Variants in INO80 observed in about 807,000 individuals in gnomAD.
INO80 encodes the protein chromatin-remodeling ATPase INO80.
In INO80, 20 loss-of-function variants were observed where a neutral mutation model predicts 203.4. That is an observed-to-expected ratio of 0.10 (90% confidence interval 0.07 to 0.14). INO80 has a LOEUF of 0.14. Among genes scored for constraint, INO80 ranks in the 10% least tolerant of loss-of-function variants. The pLI is 1.00. For missense variants in INO80, 1,419 were observed against 1,914.4 expected (o/e 0.74, Z 4.83); for synonymous variants, 726 against 685.2 (o/e 1.06, Z -0.93).
At chr15:41,101,491 T>C (rs1018634056) in intron 1 of INO80, among the ~76,000 whole-genome samples, 3 of 152,172 alleles carry the variant, frequency 2.0e-5, no homozygotes, top group African/African-American at 4.8e-5. Flanking sequence ...CTTAGCTCAA[T>C]AGTTTCCTCT....
intron 24 of INO80, among the ~76,000 whole-genome samples, chr15:41,033,337 A>ATTT (rs552646852): frequency 8.6e-5 from 12 of 138,978 alleles, no homozygotes; most frequent in Admixed American, 1.4e-4. Flanking sequence ...CTGAATCAGA[A>ATTT]TTTTTTTTTT....
intron 4 of INO80, among the ~76,000 whole-genome samples, chr15:41,095,175 C>T (rs549331691): frequency 4.7e-4 from 71 of 152,244 alleles, no homozygotes; most frequent in African/African-American, 1.7e-3. Flanking sequence ...CCCATTTCTA[C>T]TAAAAATACA....
intron 1 of INO80, among the ~76,000 whole-genome samples, chr15:41,111,142 T>C (rs777326102): frequency 1.9e-4 from 29 of 152,182 alleles, no homozygotes; most frequent in South Asian, 6.2e-4. Flanking sequence ...TAAAGAATAG[T>C]TAACGCTTAA....
At position 41,016,106 on chromosome 15, in the gene INO80, C is replaced by T. The variant is rs537680756; in HGVS notation, c.3384G>A (p.Arg1128=). ...CTCCTACCTCCAGTAGGTCTATCATCCTGGTCATCTGGGAGTAGATAAGGA... is the reference window on the plus strand; with the variant it reads ...CTCCTACCTCCAGTAGGTCTATCATTCTGGTCATCTGGGAGTAGATAAGGA... ...HRVLIYSQMT[R]MIDLLEEYMV... Residue 1128 remains arginine, a synonymous_variant, in exon 27 of 36, where the codon AGG becomes AGA. Coordinates refer to ENST00000648947, the MANE Select transcript of INO80 (RefSeq NM_017553.3). 1.4e-5 allele frequency: 22 copies of T among 1,613,508 alleles called. No individual in the cohort carries two copies. The South Asian group carries it at 1.9e-4, about 14-fold the overall frequency.
rs138616350 is a variant in INO80, at chr15:41,068,663, G to A, written c.1782+907C>T. 8.0e-3 allele frequency among the ~76,000 whole-genome samples: 1,213 copies of A among 151,956 alleles called. 20 individuals are homozygous for A. Among genetic ancestry groups the A allele is most frequent in the African/African-American group, 0.026 (1,090 of 41,424 alleles). The stretch of plus-strand genomic sequence containing the variant: ...ACCTGAGGTCAAGAGTTTGAGACCA[G>A]CCTGGACAACATGGTGAAACCCTCT... On this transcript the variant is annotated intron_variant, in intron 14 of 35. Transcript: ENST00000648947.
chr15:41,112,279 G>C (rs888932792), intron 1 of INO80, among the ~76,000 whole-genome samples: 2 of 152,062 alleles, frequency 1.3e-5, no homozygotes, highest in Non-Finnish European at 2.9e-5. Flanking sequence ...GTCATTTACT[G>C]GCTATATGAT....
At position 40,984,273 on chromosome 15, in the gene INO80, T is replaced by C. The variant is rs1485162944; in HGVS notation, c.4001A>G (p.Asp1334Gly). 2 of 1,614,178 alleles carry C rather than the reference T, an allele frequency of 1.2e-6. No individual in the cohort carries two copies. Among genetic ancestry groups the C allele is most frequent in the Non-Finnish European group, 1.7e-6 (2 of 1,180,008 alleles). The change falls in exon 33 of 36, where the codon GAT becomes GGT. Residue 1334 changes from aspartate to glycine, a missense_variant. Asp to Gly is a moderately conservative substitution (Grantham distance 94, BLOSUM62 -1). Around this residue, in one of 9 missense-constraint regions of INO80, gnomAD observed 214 missense variants for 248.9 expected, o/e 0.86. Transcript: ENST00000648947. ...NLVIPFVPSA[D>G]NSNLSADGDD... Reference sequence around the variant, plus strand: ...TCCGTCAGCAGAGAGGTTGGAGTTATCAGCCGAGGGAACAAATGGGATCAC... The same window carrying C: ...TCCGTCAGCAGAGAGGTTGGAGTTACCAGCCGAGGGAACAAATGGGATCAC...
chr15:41,114,561 T>A (rs1450564085), intron 1 of INO80, among the ~76,000 whole-genome samples: 3 of 151,960 alleles, frequency 2.0e-5, no homozygotes, highest in Admixed American at 2.0e-4. Context: ...ATACAAAAAT[T>A]AGCCGGGTGT....
Position 41,012,082 on chromosome 15 carries a change from C to T in INO80, c.3402+4006G>A, listed in dbSNP as rs549346564. Among the ~76,000 whole-genome samples the T allele has an allele frequency of 7.2e-5, 11 of 152,246 alleles. No individual in the cohort carries two copies. In the South Asian group the frequency reaches 2.3e-3, roughly 32 times the overall value. Reference sequence around the variant, plus strand: ...GTTGCTAGATGCAATAGGAATGAAACTCAAAAGAGAAGACTCAGAGATAAG... The same window carrying T: ...GTTGCTAGATGCAATAGGAATGAAATTCAAAAGAGAAGACTCAGAGATAAG... On this transcript the variant is annotated intron_variant, in intron 27 of 35. Coordinates refer to ENST00000648947, the MANE Select transcript of INO80 (RefSeq NM_017553.3).
intron 24 of INO80, 59 bp from the exon 25 acceptor site, chr15:41,027,795 G>T: frequency 3.4e-5 from 44 of 1,286,356 alleles, no homozygotes; most frequent in East Asian, 1.3e-4. Flanking sequence ...TAAGCAAAAT[G>T]AAAAAAAAAG....
At chr15:41,114,847 A>G (rs1200198824) in intron 1 of INO80, among the ~76,000 whole-genome samples, 1 of 152,198 alleles carries the variant, frequency 6.6e-6, no homozygotes, top group Non-Finnish European at 1.5e-5. Context: ...GGCAAAAAAT[A>G]TATTAATAGT....
At position 40,985,353 on chromosome 15, in the gene INO80, T is replaced by A. The variant is rs61757083; in HGVS notation, c.3906A>T (p.Glu1302Asp). ...NRVKERKRKREKYAEKKKKED... is the reference protein window; with the variant it reads ...NRVKERKRKRDKYAEKKKKED... ...CTGGAAATACCTTCTCTGCATACTT[T>A]TCCCGCTTCCGCTTGCGCTCTTTCA... The change falls in exon 32 of 36, where the codon GAA becomes GAT. Residue 1302 changes from glutamate (E) to aspartate (D), a missense_variant. Physicochemically the swap from Glu to Asp is conservative, Grantham distance 45. Coordinates refer to ENST00000648947, the MANE Select transcript of INO80 (RefSeq NM_017553.3). The A allele has an allele frequency of 6.2e-7, 1 of 1,613,852 alleles. No individual in the cohort carries two copies. Among genetic ancestry groups the A allele is most frequent in the South Asian group, 1.1e-5 (1 of 91,078 alleles).
intron 23 of INO80, among the ~76,000 whole-genome samples, 156 bp downstream of exon 23, chr15:41,047,252 A>G (rs1022277341): frequency 1.3e-5 from 2 of 152,218 alleles, no homozygotes; most frequent in Non-Finnish European, 2.9e-5. Flanking sequence ...GGCATGAGTC[A>G]CCGTGCCCAG....
At chr15:40,999,707 T>C (rs532620599) in intron 28 of INO80, among the ~76,000 whole-genome samples, 1 of 152,316 alleles carries the variant, frequency 6.6e-6, no homozygotes, top group African/African-American at 2.4e-5. Context: ...CATCTGCCAG[T>C]TTTTAAACAC....
chr15:41,082,472 G>A (rs1468940323), intron 7 of INO80, among the ~76,000 whole-genome samples: 1 of 151,934 alleles, frequency 6.6e-6, no homozygotes, highest in African/African-American at 2.4e-5. Context: ...AGGCCGAGGT[G>A]GTTGGATCAC....
At chr15:41,080,015 G>C in intron 8 of INO80, 111 bp from the exon 9 acceptor site, 8 of 891,708 alleles carry the variant, frequency 9.0e-6, no homozygotes, top group Non-Finnish European at 1.3e-5. Context: ...TGTCATCCTT[G>C]ACCACATCTT....
At chr15:40,993,997 G>A (rs566339862) in intron 29 of INO80, among the ~76,000 whole-genome samples, 16 of 152,134 alleles carry the variant, frequency 1.1e-4, no homozygotes, top group African/African-American at 3.9e-4. Context: ...TCAAATTCTT[G>A]CAATCGCTCC....
At position 41,104,981 on chromosome 15, in the gene INO80, G is replaced by A. The variant is rs77549735; in HGVS notation, c.-43-8628C>T. ...GTGTGGGTAGTAACAGACAAGTTAT[G>A]TAGAACTGTGCTCCTCAAAGAAGTC... On this transcript the variant is annotated intron_variant, in intron 1 of 35. Transcript: ENST00000648947. Among the ~76,000 whole-genome samples the A allele has an allele frequency of 4.6e-3, 695 of 152,300 alleles. 2 individuals are homozygous for A. Among genetic ancestry groups the A allele is most frequent in the Non-Finnish European group, 8.0e-3 (547 of 68,030 alleles).
chr15:41,090,913 ATTTTAGAAATTC>A (rs1409259876), intron 5 of INO80, among the ~76,000 whole-genome samples: 1 of 148,606 alleles, frequency 6.7e-6, no homozygotes, highest in Non-Finnish European at 1.5e-5. Context: ...ATTCCAGAGA[ATTTTAGAAATTC>A]TTTTTTTTTT....
Sources: allele counts gnomAD v4.1 joint callset (sites outside exome capture counted in the v4.1 genomes callset), GRCh38; gene constraint gnomAD v4.1.1; regional missense constraint gnomAD v4.1.1; transcripts MANE v1.5; gene names NCBI Gene and HGNC (gene_info 2026-07-23, HGNC 2026-07-21).